Variants in INTS14 observed in about 807,000 individuals in gnomAD.
The protein encoded by INTS14 is integrator complex subunit 14.
Under a neutral mutation model 56.9 loss-of-function variants are expected in INTS14, and 27 were observed. The observed-to-expected ratio is 0.47, with a 90% confidence interval of 0.35 to 0.65. The LOEUF (loss-of-function observed/expected upper bound fraction) is 0.65. Ranked by LOEUF, INTS14 falls within the 30% of genes least tolerant of loss-of-function variation. The pLI, the probability that INTS14 is intolerant of heterozygous loss-of-function variation, is 0.00. For synonymous variants in INTS14, 207 were observed against 236.2 expected, an observed-to-expected ratio of 0.88 and a Z score of 1.13; for missense variants, 517 against 632.2, an observed-to-expected ratio of 0.82 and a Z score of 1.95.
At chr15:65,594,611 T>C (rs536841242) in intron 7 of INTS14, among the ~76,000 whole-genome samples, 4 of 149,146 alleles carry the variant, frequency 2.7e-5, no homozygotes, top group African/African-American at 7.4e-5. Flanking sequence ...ACCATGTTAG[T>C]CAGGATGGTC....
chr15:65,600,081 G>C, intron 3 of INTS14, 152 bp from the exon 4 acceptor site: 4 of 794,940 alleles, frequency 5.0e-6, no homozygotes, highest in African/African-American at 1.7e-5. Flanking sequence ...GCCAAGGCAG[G>C]ACTGCTTAAG....
chr15:65,593,085 C>A (rs1436817106), intron 8 of INTS14, among the ~76,000 whole-genome samples: 1 of 146,106 alleles, frequency 6.8e-6, no homozygotes, highest in Non-Finnish European at 1.5e-5. Context: ...TGAGACCCCA[C>A]TTCTATAAAT....
chr15:65,607,085 C>G (rs773489263), intron 2 of INTS14, 74 bp downstream of exon 2: 3 of 1,526,628 alleles, frequency 2.0e-6, no homozygotes, highest in East Asian at 4.6e-5. Flanking sequence ...TCTAAATATT[C>G]AACGCATTAT....
At chr15:65,609,050 G>A (rs2073759492) in intron 1 of INTS14, among the ~76,000 whole-genome samples, 1 of 152,154 alleles carries the variant, frequency 6.6e-6, no homozygotes, top group African/African-American at 2.4e-5. Flanking sequence ...GGCGCGAGTA[G>A]CCAGGACTAC....
intron 1 of INTS14, among the ~76,000 whole-genome samples, chr15:65,608,568 T>G (rs1456868059): frequency 6.6e-6 from 1 of 152,142 alleles, no homozygotes. Context: ...TACTCTATTA[T>G]TAAGCAAACT....
chr15:65,605,374 A>C, intron 2 of INTS14, 138 bp from the exon 3 acceptor site: 1 of 631,300 alleles, frequency 1.6e-6, no homozygotes, highest in Non-Finnish European at 2.8e-6. Flanking sequence ...TAGCTTCTTA[A>C]AGAAAAATGC....
chr15:65,611,062 G>A (rs77989486), intron 1 of INTS14, 36 bp downstream of exon 1: 90,496 of 1,535,518 alleles, frequency 0.059, 2,941 homozygotes, highest in African/African-American at 0.092. Context: ...AACAAGCAGC[G>A]AAAGGCAGTC....
At chr15:65,600,284 C>T (rs1344874422) in intron 3 of INTS14, among the ~76,000 whole-genome samples, 1 of 148,234 alleles carries the variant, frequency 6.7e-6, no homozygotes, top group African/African-American at 2.5e-5. Context: ...GTACTCCAGC[C>T]TAGGCAACAG....
chr15:65,598,853 GCTCTAAGCATATA>G lies in INTS14; in HGVS notation c.605+6_605+18del, dbSNP rs2073316353. 1 of 1,564,564 alleles carries G rather than the reference GCTCTAAGCATATA, an allele frequency of 6.4e-7. No individual in the cohort carries two copies. Among genetic ancestry groups the G allele is most frequent in the South Asian group, 1.1e-5 (1 of 88,298 alleles). On this transcript the variant is annotated splice_donor_region_variant and intron_variant, in intron 5 of 11. Transcript: ENST00000313182. ...ACTGGATTGTAAAGAAGGCAAAAGA[GCTCTAAGCATATA>G]CTCACCCAAACATAGACTGTACATT...
intron 10 of INTS14, 73 bp downstream of exon 10, chr15:65,584,697 C>A: frequency 3.9e-6 from 5 of 1,293,596 alleles, no homozygotes; most frequent in South Asian, 1.3e-5. Context: ...AAAAGAAAAT[C>A]AAATAAAATG....
chr15:65,584,989 C>A, intron 9 of INTS14, 101 bp from the exon 10 acceptor site: 1 of 950,352 alleles, frequency 1.1e-6, no homozygotes, highest in South Asian at 2.0e-5. Flanking sequence ...TCTTTGATAT[C>A]CTATCACTTT....
Position 65,579,398 on chromosome 15 carries a change from A to C in INTS14, c.*10T>G, listed in dbSNP as rs1422361749. ...AAATGAAAAAAGAAGGAAAGCTCCA[A>C]AAGTCAGTTTCAAATTCTTTCAGTG... is the stretch of plus-strand genomic sequence containing the variant. On this transcript the variant is annotated 3_prime_UTR_variant, in exon 12 of 12. Transcript: ENST00000313182. 1 of 1,602,854 alleles carries C rather than the reference A, an allele frequency of 6.2e-7. No homozygotes were observed.
In INTS14 at chr15:65,611,108, T is replaced by G; in HGVS notation, c.-73A>C. The G allele has an allele frequency of 1.3e-6, 2 of 1,535,606 alleles. No individual in the cohort carries two copies. Among genetic ancestry groups the G allele is most frequent in the Non-Finnish European group, 1.7e-6 (2 of 1,146,550 alleles). On this transcript the variant is annotated 5_prime_UTR_variant, in exon 1 of 12. The change abolishes an upstream ATG in the 5' untranslated region. Transcript: ENST00000313182. ...GGCCTCCCCACTCACCCCGTGCCCA[T>G]CGCCGGACACAGTCCGTCGGCATAA...
At chr15:65,594,540 C>T (rs938690783) in intron 7 of INTS14, among the ~76,000 whole-genome samples, 5 of 150,592 alleles carry the variant, frequency 3.3e-5, no homozygotes, top group Non-Finnish European at 7.4e-5. Flanking sequence ...CTACAGGCGC[C>T]TGCCACTACG....
chr15:65,599,689 A>C, intron 4 of INTS14, 85 bp downstream of exon 4: 29 of 1,441,926 alleles, frequency 2.0e-5, no homozygotes, highest in Non-Finnish European at 2.8e-5. Flanking sequence ...AGTATATACA[A>C]TATAGCACTA....
chr15:65,605,285 G>A (rs2073605311), intron 2 of INTS14, 49 bp from the exon 3 acceptor site: 4 of 1,404,564 alleles, frequency 2.8e-6, no homozygotes, highest in Non-Finnish European at 4.0e-6. Context: ...GTTTTAATTA[G>A]GTATTAGAAA....
At chr15:65,604,295 G>C (rs949318154) in intron 3 of INTS14, among the ~76,000 whole-genome samples, 1 of 152,128 alleles carries the variant, frequency 6.6e-6, no homozygotes, top group Admixed American at 6.5e-5. Flanking sequence ...TGTTGGCCAG[G>C]ATGGTCTCGA....
chr15:65,586,214 C>T (rs2072816664), intron 9 of INTS14, among the ~76,000 whole-genome samples: 1 of 152,196 alleles, frequency 6.6e-6, no homozygotes, highest in Admixed American at 6.5e-5. Context: ...TTATTAAGTT[C>T]CAACTATGTG....
intron 1 of INTS14, among the ~76,000 whole-genome samples, chr15:65,609,540 T>C (rs2073788992): frequency 6.6e-6 from 1 of 152,198 alleles, no homozygotes; most frequent in Admixed American, 6.5e-5. Context: ...AACTGGCACA[T>C]AGTAGGTGCC....
Sources: allele counts gnomAD v4.1 joint callset (sites outside exome capture counted in the v4.1 genomes callset), GRCh38; gene constraint gnomAD v4.1.1; transcripts MANE v1.5; gene names NCBI Gene and HGNC (gene_info 2026-07-23, HGNC 2026-07-21).